NAP1L4: variants seen among roughly 807,000 people sequenced by gnomAD.
NAP1L4 encodes nucleosome assembly protein 1 like 4, also known as nucleosome assembly protein 1-like 4.
Under a neutral mutation model 58.2 loss-of-function variants are expected in NAP1L4, and 15 were observed. That is an observed-to-expected ratio of 0.26 (90% confidence interval 0.17 to 0.40). NAP1L4 has a LOEUF of 0.40. NAP1L4 is among the 10% of genes least tolerant of loss of function. NAP1L4 has a pLI of 1.00. For synonymous variants in NAP1L4, 171 were observed against 155.6 expected (o/e 1.10, Z -0.74); for missense variants, 384 against 451.1 (o/e 0.85, Z 1.35).
chr11:2,948,478 A>C lies in NAP1L4; in HGVS notation c.*32+749T>G, dbSNP rs1846054080. 6.6e-6 allele frequency among the ~76,000 whole-genome samples: 1 copy of C among 152,164 alleles called. No homozygotes were observed. The highest frequency in any genetic ancestry group is 1.5e-5 in the Non-Finnish European group (1 of 68,030). ...TACATCCCGAGTGCCACGAGTGAAC[A>C]GGTCTCGTCACGGGCAAGAGCCTCT... On this transcript the variant is annotated intron_variant, in intron 15 of 15. Transcript: ENST00000380542. The surrounding 1 kb of genome is among the most constrained non-coding windows in gnomAD (Gnocchi z 5.1).
At chr11:2,987,821 G>A (rs976111351) in intron 1 of NAP1L4, among the ~76,000 whole-genome samples, 3 of 147,862 alleles carry the variant, frequency 2.0e-5, no homozygotes, top group African/African-American at 7.5e-5. Flanking sequence ...CAAGTTCCAC[G>A]AGGGCAGGGA....
intron 8 of NAP1L4, among the ~76,000 whole-genome samples, chr11:2,961,251 C>A (rs958563778): frequency 6.6e-6 from 1 of 152,124 alleles, no homozygotes; most frequent in African/African-American, 2.4e-5. Flanking sequence ...GGAGGCGGGG[C>A]ATGAGGGCTT....
intron 1 of NAP1L4, among the ~76,000 whole-genome samples, chr11:2,981,246 G>GAAA (rs575900452): frequency 7.3e-6 from 1 of 136,344 alleles, no homozygotes; most frequent in Non-Finnish European, 1.6e-5. Context: ...AAAACAAAAA[G>GAAA]AAAAAAAAAA....
chr11:2,975,152 T>TAAA (rs376072968), intron 4 of NAP1L4, among the ~76,000 whole-genome samples: 114 of 142,550 alleles, frequency 8.0e-4, no homozygotes, highest in South Asian at 2.1e-3. Flanking sequence ...CTCATCCCTT[T>TAAA]AAAAAAAAAA....
At chr11:2,947,736 G>A (rs768728218) in intron 15 of NAP1L4, among the ~76,000 whole-genome samples, 1 of 152,152 alleles carries the variant, frequency 6.6e-6, no homozygotes. Context: ...GGAGGAGTTG[G>A]CATTTTAAAA....
intron 10 of NAP1L4, among the ~76,000 whole-genome samples, chr11:2,956,139 G>C (rs543502791): frequency 6.6e-6 from 1 of 152,186 alleles, no homozygotes; most frequent in African/African-American, 2.4e-5. Context: ...CTCATGTCCC[G>C]CAGAACTATA....
chr11:2,945,837 GT>G (rs200984231), intron 15 of NAP1L4, among the ~76,000 whole-genome samples, 191 bp from the exon 16 acceptor site: 23 of 151,396 alleles, frequency 1.5e-4, no homozygotes, highest in Admixed American at 2.6e-4. Context: ...TCAAAGCAGG[GT>G]TTTTTTTTGT....
chr11:2,969,782 A>G (rs765624466), intron 7 of NAP1L4, 21 bp downstream of exon 7: 36 of 1,599,986 alleles, frequency 2.3e-5, no homozygotes, highest in Non-Finnish European at 2.7e-5. Flanking sequence ...TAATCTCTCT[A>G]CAAGACAGAA....
At position 2,948,278 on chromosome 11, in the gene NAP1L4, C is replaced by T. The variant is rs569055057; in HGVS notation, c.*32+949G>A. 1.3e-5 allele frequency among the ~76,000 whole-genome samples: 2 copies of T among 152,280 alleles called. No homozygotes were observed. Among genetic ancestry groups the T allele is most frequent in the South Asian group, 2.1e-4 (1 of 4,826 alleles). ...AGCCTACATGAGGAAGACAGGGAGG[C>T]GGTGGCGCTAAGACCTCAAGGACGT... is the stretch of plus-strand genomic sequence containing the variant. On this transcript the variant is annotated intron_variant, in intron 15 of 15. Coordinates refer to ENST00000380542, the MANE Select transcript of NAP1L4 (RefSeq NM_005969.4). The surrounding 1 kb of genome is among the most constrained non-coding windows in gnomAD (Gnocchi z 5.1).
intron 4 of NAP1L4, among the ~76,000 whole-genome samples, chr11:2,974,932 G>A (rs923448126): frequency 6.6e-6 from 1 of 152,152 alleles, no homozygotes; most frequent in Non-Finnish European, 1.5e-5. Flanking sequence ...GGAGGCTGAG[G>A]CAGGAGAATC....
chr11:2,974,274 T>C (rs1320162433), intron 4 of NAP1L4, among the ~76,000 whole-genome samples: 2 of 152,164 alleles, frequency 1.3e-5, no homozygotes, highest in African/African-American at 4.8e-5. Context: ...AACTGGACCC[T>C]AGTGTGCCCC....
chr11:2,953,983 A>C (rs1174787082), intron 12 of NAP1L4, among the ~76,000 whole-genome samples: 1 of 152,182 alleles, frequency 6.6e-6, no homozygotes, highest in Non-Finnish European at 1.5e-5. Context: ...TGGGCTGTGC[A>C]CCCGCAAGTT....
intron 8 of NAP1L4, among the ~76,000 whole-genome samples, 172 bp downstream of exon 8, chr11:2,964,508 C>T (rs1271395388): frequency 6.6e-6 from 1 of 152,196 alleles, no homozygotes; most frequent in Non-Finnish European, 1.5e-5. Flanking sequence ...AGGGAGCAAA[C>T]ACACAATGCG....
chr11:2,982,492 G>C (rs1392810162), intron 1 of NAP1L4, among the ~76,000 whole-genome samples: 1 of 152,128 alleles, frequency 6.6e-6, no homozygotes, highest in African/African-American at 2.4e-5. Context: ...TCCTATACTA[G>C]CAAGGGACCT....
At chr11:2,957,398 T>C (rs1331951323) in intron 10 of NAP1L4, among the ~76,000 whole-genome samples, 2 of 152,244 alleles carry the variant, frequency 1.3e-5, no homozygotes, top group African/African-American at 2.4e-5. Flanking sequence ...GACTGAACTC[T>C]GAAGGGCAGC....
intron 12 of NAP1L4, chr11:2,952,641 T>A (rs1321826563): frequency 6.6e-6 from 1 of 152,278 alleles, no homozygotes; most frequent in Non-Finnish European, 1.5e-5. Context: ...CAGGATGAGA[T>A]GTGGCCACGG....
At chr11:2,953,780 C>G (rs1180331515) in intron 12 of NAP1L4, among the ~76,000 whole-genome samples, 1 of 152,254 alleles carries the variant, frequency 6.6e-6, no homozygotes, top group African/African-American at 2.4e-5. Context: ...CACCTAAGCT[C>G]TTGCCGCCCT....
At chr11:2,980,496 C>A (rs1202743805) in intron 1 of NAP1L4, among the ~76,000 whole-genome samples, 1 of 152,176 alleles carries the variant, frequency 6.6e-6, no homozygotes, top group South Asian at 2.1e-4. Context: ...TATACAATTT[C>A]AAAATCTAAT....
chr11:2,986,373 C>CAAA (rs34433683), intron 1 of NAP1L4, among the ~76,000 whole-genome samples: 4 of 108,612 alleles, frequency 3.7e-5, no homozygotes, highest in African/African-American at 1.3e-4. Context: ...GACCCTGTCT[C>CAAA]AAAAAAAAAA....
Sources: allele counts gnomAD v4.1 joint callset (sites outside exome capture counted in the v4.1 genomes callset), GRCh38; gene constraint gnomAD v4.1.1; non-coding constraint Gnocchi (gnomAD v3.1); transcripts MANE v1.5; gene names NCBI Gene and HGNC (gene_info 2026-07-23, HGNC 2026-07-21).